Variants in FAF1 observed in about 807,000 individuals in gnomAD.
The protein encoded by FAF1 is FAS-associated factor 1.
Under a neutral mutation model 92.5 loss-of-function variants are expected in FAF1, and 25 were observed. The ratio of observed to expected loss-of-function variants is 0.27; its 90% CI spans 0.20 to 0.38. FAF1 has a LOEUF of 0.38. FAF1 is among the 10% of genes least tolerant of loss of function. The pLI is 1.00. For missense variants in FAF1, 636 were observed against 793.3 expected (o/e 0.80, Z 2.38); for synonymous variants, 234 against 273.2 (o/e 0.86, Z 1.42).
chr1:50,723,713 A>G (rs1488603159), intron 6 of FAF1, among the ~76,000 whole-genome samples: 2 of 151,912 alleles, frequency 1.3e-5, no homozygotes, highest in Non-Finnish European at 2.9e-5. Flanking sequence ...GAAGTTCAAG[A>G]CCAGCCTGGG....
At chr1:50,804,921 G>A (rs1420429227) in intron 2 of FAF1, among the ~76,000 whole-genome samples, 11 of 152,162 alleles carry the variant, frequency 7.2e-5, no homozygotes, top group Admixed American at 7.2e-4. Context: ...CAGGAGAGGG[G>A]CTCAGATGGA....
At chr1:50,885,295 T>TCTCTCTCTCTC (rs1644649703) in intron 1 of FAF1, among the ~76,000 whole-genome samples, 1 of 137,322 alleles carries the variant, frequency 7.3e-6, no homozygotes, top group African/African-American at 2.9e-5. Context: ...CCGTGTCTCT[T>TCTCTCTCTCTC]TCTCTCTCTC....
chr1:50,624,693 C>T (rs1653408801), intron 8 of FAF1, among the ~76,000 whole-genome samples: 1 of 152,110 alleles, frequency 6.6e-6, no homozygotes, highest in South Asian at 2.1e-4. Context: ...TCTAACTAGG[C>T]TTATCCTATG....
chr1:50,611,119 T>C (rs1022176607), intron 8 of FAF1, among the ~76,000 whole-genome samples: 1 of 152,228 alleles, frequency 6.6e-6, no homozygotes, highest in Admixed American at 6.5e-5. Context: ...AGTGGGCCTC[T>C]TTAAATTTAC....
intron 9 of FAF1, among the ~76,000 whole-genome samples, chr1:50,594,186 G>A (rs765041847): frequency 6.6e-5 from 10 of 151,636 alleles, no homozygotes; most frequent in South Asian, 6.2e-4. Flanking sequence ...GTGGTGGTGC[G>A]TGCCTGTAAT....
intron 13 of FAF1, among the ~76,000 whole-genome samples, chr1:50,558,398 C>T (rs537431259): frequency 5.9e-5 from 9 of 151,958 alleles, no homozygotes; most frequent in South Asian, 2.1e-4. Flanking sequence ...GGTCGGGGGA[C>T]GGGTTACAGA....
chr1:50,566,846 G>C (rs1416674441), intron 13 of FAF1, among the ~76,000 whole-genome samples: 1 of 152,034 alleles, frequency 6.6e-6, no homozygotes, highest in Non-Finnish European at 1.5e-5. Context: ...GATGAGAAAT[G>C]TATTTTTGTT....
intron 1 of FAF1, among the ~76,000 whole-genome samples, chr1:50,913,830 C>CA (rs1557587161): frequency 6.6e-6 from 1 of 152,192 alleles, no homozygotes; most frequent in Non-Finnish European, 1.5e-5. Flanking sequence ...CCTAGACTTA[C>CA]TATGGCCTGA....
chr1:50,874,357 AT>A (rs1644552492), intron 1 of FAF1, among the ~76,000 whole-genome samples: 3 of 152,054 alleles, frequency 2.0e-5, no homozygotes, highest in Admixed American at 2.0e-4. Flanking sequence ...AATATTTGCT[AT>A]ATGTTTTTAA....
At chr1:50,609,924 T>G (rs1266957338) in intron 8 of FAF1, among the ~76,000 whole-genome samples, 1 of 152,180 alleles carries the variant, frequency 6.6e-6, no homozygotes, top group East Asian at 1.9e-4. Context: ...ACCCCCACAG[T>G]TAGCTTCTAT....
intron 13 of FAF1, among the ~76,000 whole-genome samples, chr1:50,540,590 T>G (rs896484791): frequency 2.0e-5 from 3 of 152,204 alleles, no homozygotes; most frequent in Non-Finnish European, 2.9e-5. Flanking sequence ...CTAGCATTAG[T>G]ATTCTTAACA....
At chr1:50,792,036 T>C (rs1336277953) in intron 3 of FAF1, among the ~76,000 whole-genome samples, 1 of 152,164 alleles carries the variant, frequency 6.6e-6, no homozygotes, top group African/African-American at 2.4e-5. Flanking sequence ...TTATCACCCA[T>C]AGCTAATTAC....
intron 6 of FAF1, among the ~76,000 whole-genome samples, chr1:50,707,418 G>T (rs146354467): frequency 3.2e-4 from 48 of 152,254 alleles, no homozygotes; most frequent in African/African-American, 1.1e-3. Context: ...AGCATAATGG[G>T]CTGGGTGCAC....
intron 9 of FAF1, among the ~76,000 whole-genome samples, chr1:50,588,105 G>C (rs1004112145): frequency 1.3e-5 from 2 of 152,072 alleles, no homozygotes; most frequent in African/African-American, 4.8e-5. Context: ...TGGCCAACAT[G>C]ATGAAACCCC....
intron 1 of FAF1, among the ~76,000 whole-genome samples, chr1:50,947,036 A>G (rs1358625285): frequency 6.6e-6 from 1 of 152,248 alleles, no homozygotes; most frequent in Non-Finnish European, 1.5e-5. Context: ...TATCCCAATA[A>G]AAGATCACTG....
At chr1:50,899,727 G>A (rs1644782050) in intron 1 of FAF1, among the ~76,000 whole-genome samples, 1 of 152,228 alleles carries the variant, frequency 6.6e-6, no homozygotes, top group South Asian at 2.1e-4. Context: ...TGGGATTACA[G>A]GCGTGAGCCA....
intron 6 of FAF1, among the ~76,000 whole-genome samples, chr1:50,733,018 ATC>A (rs1465659816): frequency 3.3e-5 from 5 of 152,082 alleles, no homozygotes; most frequent in Non-Finnish European, 7.3e-5. Flanking sequence ...AATAACCACT[ATC>A]TCTGTGTCGT....
intron 18 of FAF1, among the ~76,000 whole-genome samples, chr1:50,465,694 G>GT (rs1449404583): frequency 1.3e-5 from 2 of 152,168 alleles, no homozygotes; most frequent in Non-Finnish European, 2.9e-5. Flanking sequence ...GGTGGGGAAG[G>GT]TAGGGCAGAG....
intron 7 of FAF1, among the ~76,000 whole-genome samples, chr1:50,683,203 A>G (rs1433046209): frequency 6.6e-6 from 1 of 152,040 alleles, no homozygotes; most frequent in East Asian, 1.9e-4. Flanking sequence ...AGGATGTTTT[A>G]GAGAAAATAC....
Sources: gnomAD v4.1 joint callset for allele counts (sites outside exome capture counted in the v4.1 genomes callset) on GRCh38, gnomAD v4.1.1 for gene constraint, MANE v1.5 for transcripts, NCBI Gene and HGNC (gene_info 2026-07-23, HGNC 2026-07-21) for gene names.